The following ZMAT1 variants were observed in gnomAD, a reference collection of about 807,000 sequenced individuals.
ZMAT1 encodes zinc finger matrin-type protein 1.
Under a neutral mutation model 18.5 loss-of-function variants are expected in ZMAT1, and 11 were observed. The observed-to-expected ratio is 0.59, with a 90% CI of 0.37 to 0.98. ZMAT1 has a LOEUF of 0.98. Among genes scored for constraint, ZMAT1 ranks in the 50% least tolerant of loss-of-function variants. The pLI is 0.01. For synonymous variants in ZMAT1, 211 were observed against 176.4 expected (o/e 1.20, Z -1.55); for missense variants, 525 against 496.2 (o/e 1.06, Z -0.55).
intron 1 of ZMAT1, among the ~76,000 whole-genome samples, chrX:101,913,188 T>A (rs1479786487): frequency 9.0e-6 from 1 of 111,206 alleles, no homozygotes; most frequent in African/African-American, 3.3e-5. Flanking sequence ...ATACAATAGA[T>A]ACACTAAAAA....
chrX:101,925,493 TCAAA>T (rs1389618421), intron 1 of ZMAT1, among the ~76,000 whole-genome samples: 1 of 112,109 alleles, frequency 8.9e-6, no homozygotes, highest in Non-Finnish European at 1.9e-5. Flanking sequence ...TCTGAGTTGG[TCAAA>T]CAGATTCAAA....
At chrX:101,925,200 TTGAAA>T (rs1317085966) in intron 1 of ZMAT1, among the ~76,000 whole-genome samples, 1 of 111,940 alleles carries the variant, frequency 8.9e-6, no homozygotes, top group Non-Finnish European at 1.9e-5. Context: ...TGATGGTTAT[TTGAAA>T]TGAAATGGTA....
At position 101,898,121 on chromosome X, in the gene ZMAT1, G is replaced by C. The variant is rs1927959096; in HGVS notation, c.499C>G (p.Gln167Glu). Reference sequence around the variant, plus strand: ...CAATACCAACACACATCACTCACCTGAAAATTCTCAACATGCATCTTCATT... The same window carrying C: ...CAATACCAACACACATCACTCACCTCAAAATTCTCAACATGCATCTTCATT... ...KKMKMHVENF[Q>E]VHRYEGVDKN... The change falls in exon 3 of 6, where the codon CAG becomes GAG. Residue 167 changes from glutamine (Q) to glutamate (E), a missense_variant and splice_region_variant. Transcript: ENST00000651725. 8.3e-7 allele frequency: 1 copy of C among 1,208,477 alleles called. No individual in the cohort carries two copies. The highest frequency in any genetic ancestry group is 1.8e-5 in the African/African-American group (1 of 57,103).
chrX:101,930,031 C>A (rs1256807870), intron 1 of ZMAT1, among the ~76,000 whole-genome samples: 1 of 112,019 alleles, frequency 8.9e-6, no homozygotes, highest in Non-Finnish European at 1.9e-5. Flanking sequence ...CATTTTACTG[C>A]CTACAGCAAT....
chrX:101,918,869 CT>C (rs372093167), intron 1 of ZMAT1, among the ~76,000 whole-genome samples: 32 of 105,669 alleles, frequency 3.0e-4, no homozygotes, highest in African/African-American at 7.5e-4. Flanking sequence ...AATATCAATG[CT>C]TTTTTTTTTA....
chrX:101,901,864 T>A (rs2147622092), intron 2 of ZMAT1, among the ~76,000 whole-genome samples: 1 of 112,547 alleles, frequency 8.9e-6, no homozygotes, highest in South Asian at 3.6e-4. Context: ...TCATTCATGC[T>A]ATAATATTCT....
intron 1 of ZMAT1, among the ~76,000 whole-genome samples, chrX:101,908,840 G>A (rs746798780): frequency 4.8e-4 from 54 of 111,412 alleles, no homozygotes; most frequent in Non-Finnish European, 6.8e-4. Flanking sequence ...AATAGGTACC[G>A]CAATTCGTAG....
intron 1 of ZMAT1, among the ~76,000 whole-genome samples, chrX:101,922,781 A>AC (rs1929811137): frequency 9.0e-6 from 1 of 110,626 alleles, no homozygotes; most frequent in Non-Finnish European, 1.9e-5. Flanking sequence ...CCGACCCCCA[A>AC]CCCCCACTAT....
At chrX:101,930,433 T>A (rs1039012005) in intron 1 of ZMAT1, among the ~76,000 whole-genome samples, 3 of 112,619 alleles carry the variant, frequency 2.7e-5, no homozygotes, top group Non-Finnish European at 5.6e-5. Flanking sequence ...ATTTAATAAG[T>A]GGCATTTATG....
intron 1 of ZMAT1, among the ~76,000 whole-genome samples, chrX:101,929,423 T>TTATATATATA (rs771032732): frequency 8.4e-4 from 60 of 71,293 alleles, no homozygotes; most frequent in African/African-American, 2.0e-3. Flanking sequence ...TAGAGAGAGA[T>TTATATATATA]TATATATATA....
intron 1 of ZMAT1, among the ~76,000 whole-genome samples, chrX:101,922,254 T>C (rs759188771): frequency 1.3e-4 from 15 of 111,684 alleles, no homozygotes; most frequent in South Asian, 3.8e-4. Context: ...TTTGATGATG[T>C]CCACTTTCTA....
At chrX:101,900,677 C>T (rs1444350153) in intron 2 of ZMAT1, among the ~76,000 whole-genome samples, 2 of 111,834 alleles carry the variant, frequency 1.8e-5, no homozygotes, top group African/African-American at 6.5e-5. Context: ...ATTTTTAAAC[C>T]AGTACCATTC....
At position 101,883,640 on chromosome X, in the gene ZMAT1, C is replaced by T. The variant is rs141908807; in HGVS notation, c.1958G>A (p.Arg653Gln). The T allele has an allele frequency of 2.9e-5, 35 of 1,204,794 alleles. No homozygotes were observed. The highest frequency in any genetic ancestry group is 2.3e-4 in the Middle Eastern group (1 of 4,349). Reference protein sequence around the residue: ...VKVSSGKLKHRKKKKSHDVPS... With the variant: ...VKVSSGKLKHQKKKKSHDVPS... ...TACATCATGGCTTTTTTTCTTTTTT[C>T]GATGCTTAAGCTTTCCTGAACTGAC... Residue 653 changes from arginine to glutamine, a missense_variant, in exon 6 of 6, where the codon CGA (arginine) becomes CAA (glutamine). Transcript: ENST00000651725.
chrX:101,897,544 TA>T (rs776116456), intron 4 of ZMAT1, among the ~76,000 whole-genome samples: 426 of 78,882 alleles, frequency 5.4e-3, no homozygotes, highest in Middle Eastern at 0.02. Context: ...AGTGTCTATC[TA>T]AAAAAAAAAA....
rs1569444104 is a variant in ZMAT1 at position 101,929,481 on chromosome X, AG to A, written c.292+2235del. Among the ~76,000 whole-genome samples, 9 of 101,600 alleles carry A rather than the reference AG, an allele frequency of 8.9e-5. No homozygotes were observed. In the East Asian group the frequency reaches 1.5e-3, roughly 17 times the overall value. 88.2% of individuals were successfully genotyped at this position (101,600 alleles called of 115,157 possible). ...TACACACAGAGAGAGAGAGAGAGAGAGAGAGAGAGAGACACACAAATATTTT... is the reference window on the plus strand; with the variant it reads ...TACACACAGAGAGAGAGAGAGAGAGAAGAGAGAGAGACACACAAATATTTT... On this transcript the variant is annotated intron_variant, in intron 1 of 5. Coordinates refer to ENST00000651725, the MANE Select transcript of ZMAT1 (RefSeq NM_001394560.1).
At chrX:101,905,941 A>G (rs1928593482) in intron 1 of ZMAT1, among the ~76,000 whole-genome samples, 1 of 110,283 alleles carries the variant, frequency 9.1e-6, no homozygotes, top group African/African-American at 3.3e-5. Context: ...ACCTGGGTGT[A>G]GCACAGAAAT....
At chrX:101,901,900 C>T (rs1175844460) in intron 2 of ZMAT1, among the ~76,000 whole-genome samples, 1 of 111,615 alleles carries the variant, frequency 9.0e-6, no homozygotes, top group Non-Finnish European at 1.9e-5. Context: ...TATCCAGTTC[C>T]CTGTTTAGGA....
At chrX:101,913,998 G>A (rs571617511) in intron 1 of ZMAT1, among the ~76,000 whole-genome samples, 3 of 111,315 alleles carry the variant, frequency 2.7e-5, no homozygotes, top group East Asian at 5.6e-4. Flanking sequence ...GCATCTTCTC[G>A]AACCACAATG....
intron 1 of ZMAT1, among the ~76,000 whole-genome samples, chrX:101,929,736 T>C (rs931547762): frequency 6.3e-5 from 7 of 110,988 alleles, no homozygotes; most frequent in Non-Finnish European, 1.3e-4. Flanking sequence ...GAATGTCAGG[T>C]GATAACTATC....
Sources: allele counts gnomAD v4.1 joint callset (sites outside exome capture counted in the v4.1 genomes callset), GRCh38; gene constraint gnomAD v4.1.1; transcripts MANE v1.5; gene names NCBI Gene and HGNC (gene_info 2026-07-23, HGNC 2026-07-21).